Variants in LRP12 observed in about 807,000 individuals in gnomAD.
The protein encoded by LRP12 is low-density lipoprotein receptor-related protein 12.
In LRP12, 14 loss-of-function variants were observed where a neutral mutation model predicts 66.0. The observed-to-expected ratio is 0.21, with a 90% CI of 0.14 to 0.33. LRP12 has a LOEUF of 0.33. Ranked by LOEUF, LRP12 falls within the 10% of genes least tolerant of loss-of-function variation. The pLI, the probability that LRP12 is intolerant of heterozygous loss-of-function variation, is 1.00. For missense variants in LRP12, 889 were observed against 1,053.4 expected, an observed-to-expected ratio of 0.84 and a Z score of 2.16; for synonymous variants, 357 against 359.1, an observed-to-expected ratio of 0.99 and a Z score of 0.07.
At chr8:104,582,842 A>G (rs1812274074) in intron 1 of LRP12, among the ~76,000 whole-genome samples, 1 of 152,042 alleles carries the variant, frequency 6.6e-6, no homozygotes, top group East Asian at 1.9e-4. Flanking sequence ...AACAAAAATC[A>G]CCCTCAACTT....
At chr8:104,574,877 G>T (rs1053307018) in intron 1 of LRP12, among the ~76,000 whole-genome samples, 2 of 151,964 alleles carry the variant, frequency 1.3e-5, no homozygotes, top group Non-Finnish European at 2.9e-5. Context: ...TTACACTTGA[G>T]GCTCACATTA....
intron 1 of LRP12, among the ~76,000 whole-genome samples, chr8:104,534,859 G>C (rs1036790691): frequency 4.0e-5 from 6 of 151,716 alleles, no homozygotes; most frequent in Admixed American, 2.6e-4. Context: ...AAATCGCTTT[G>C]TTAACACAAA....
intron 2 of LRP12, among the ~76,000 whole-genome samples, chr8:104,520,917 T>C (rs1588490562): frequency 6.6e-6 from 1 of 152,178 alleles, no homozygotes; most frequent in Non-Finnish European, 1.5e-5. Flanking sequence ...CCTTTTTACG[T>C]TCACTAGGTT....
At chr8:104,564,131 AT>A (rs144211723) in intron 1 of LRP12, among the ~76,000 whole-genome samples, 36,620 of 151,784 alleles carry the variant, frequency 0.24, 4,507 homozygotes, top group Middle Eastern at 0.31. Context: ...TCAAGTCATG[AT>A]TTTTTTTTAA....
intron 3 of LRP12, among the ~76,000 whole-genome samples, chr8:104,503,327 T>G (rs1172729825): frequency 3.2e-5 from 1 of 31,626 alleles, no homozygotes; most frequent in Non-Finnish European, 5.4e-5. Flanking sequence ...ACTGTGTCTC[T>G]CAAAAAAAAA....
At chr8:104,541,884 C>G (rs1202319703) in intron 1 of LRP12, among the ~76,000 whole-genome samples, 1 of 152,110 alleles carries the variant, frequency 6.6e-6, no homozygotes, top group African/African-American at 2.4e-5. Flanking sequence ...GGATATATCA[C>G]ATTTTGTTTA....
chr8:104,559,114 C>T (rs1329578031), intron 1 of LRP12, among the ~76,000 whole-genome samples: 1 of 152,084 alleles, frequency 6.6e-6, no homozygotes, highest in African/African-American at 2.4e-5. Context: ...TAGGTATCTA[C>T]CCAGAGGAAA....
At chr8:104,540,327 G>A (rs1198876158) in intron 1 of LRP12, among the ~76,000 whole-genome samples, 1 of 152,136 alleles carries the variant, frequency 6.6e-6, no homozygotes, top group Non-Finnish European at 1.5e-5. Flanking sequence ...ACAAATTTCT[G>A]TTGTTTAAAC....
chr8:104,571,711 T>C (rs1033890500), intron 1 of LRP12, among the ~76,000 whole-genome samples: 2 of 152,226 alleles, frequency 1.3e-5, no homozygotes, highest in African/African-American at 4.8e-5. Flanking sequence ...AACAGACTAA[T>C]GCACCACCTG....
intron 4 of LRP12, 122 bp downstream of exon 4, chr8:104,499,195 C>T: frequency 1.4e-6 from 1 of 698,540 alleles, no homozygotes; most frequent in Non-Finnish European, 2.3e-6. Context: ...AATCCTCAAT[C>T]TCAGCTGCCT....
At chr8:104,560,888 C>T (rs553072653) in intron 1 of LRP12, among the ~76,000 whole-genome samples, 19 of 152,300 alleles carry the variant, frequency 1.2e-4, no homozygotes, top group African/African-American at 3.8e-4. Flanking sequence ...TTCCATACCA[C>T]TGACTAGTTA....
intron 2 of LRP12, among the ~76,000 whole-genome samples, chr8:104,517,049 C>T (rs996853264): frequency 2.0e-5 from 3 of 151,638 alleles, no homozygotes; most frequent in Admixed American, 2.0e-4. Context: ...TTTATGTTTA[C>T]TGACCACCTA....
intron 1 of LRP12, among the ~76,000 whole-genome samples, chr8:104,547,076 T>C (rs1811577551): frequency 6.9e-6 from 1 of 145,486 alleles, no homozygotes; most frequent in Non-Finnish European, 1.5e-5. Context: ...GTATACAATA[T>C]ACAATTCTAT....
At chr8:104,527,562 C>A (rs866522550) in intron 2 of LRP12, among the ~76,000 whole-genome samples, 2 of 151,594 alleles carry the variant, frequency 1.3e-5, no homozygotes, top group African/African-American at 4.9e-5. Context: ...AATCATCATT[C>A]TCAGTAAACT....
chr8:104,555,469 A>G (rs537294187), intron 1 of LRP12, among the ~76,000 whole-genome samples: 1 of 152,204 alleles, frequency 6.6e-6, no homozygotes, highest in Non-Finnish European at 1.5e-5. Context: ...ATGCAAATGG[A>G]GACCAAAAGT....
Position 104,518,556 on chromosome 8 carries a change from T to C in LRP12, c.137-9482A>G, listed in dbSNP as rs574874061. Among the ~76,000 whole-genome samples the C allele has an allele frequency of 3.9e-5, 6 of 152,188 alleles. No homozygotes were observed. In the South Asian group the frequency reaches 1.2e-3, roughly 32 times the overall value. ...TGGTCTATTCTAGAAAAATGAACTA[T>C]TGGTCCTACATTAACATGGATAGAA... On this transcript the variant is annotated intron_variant, in intron 2 of 6. Transcript: ENST00000276654.
intron 1 of LRP12, among the ~76,000 whole-genome samples, chr8:104,552,944 T>C (rs984450926): frequency 2.0e-5 from 3 of 152,200 alleles, no homozygotes; most frequent in Non-Finnish European, 4.4e-5. Context: ...GGGGAACGTT[T>C]GCCCCTAAAT....
intron 1 of LRP12, among the ~76,000 whole-genome samples, chr8:104,558,142 G>A (rs770129040): frequency 2.0e-5 from 3 of 152,028 alleles, no homozygotes; most frequent in Non-Finnish European, 2.9e-5. Flanking sequence ...CCCCAGAGGC[G>A]AAGGCTGCAG....
intron 1 of LRP12, among the ~76,000 whole-genome samples, chr8:104,550,862 C>T (rs779318812): frequency 6.6e-6 from 1 of 152,114 alleles, no homozygotes; most frequent in Non-Finnish European, 1.5e-5. Flanking sequence ...CTTTTGGTCT[C>T]ACAACTCTTT....
Sources: gnomAD v4.1 joint callset for allele counts (sites outside exome capture counted in the v4.1 genomes callset) on GRCh38, gnomAD v4.1.1 for gene constraint, MANE v1.5 for transcripts, NCBI Gene and HGNC (gene_info 2026-07-23, HGNC 2026-07-21) for gene names.